The following TRIP4 variants were observed in gnomAD, a reference collection of about 807,000 sequenced individuals.
The protein encoded by TRIP4 is thyroid hormone receptor interactor 4.
A neutral mutation model predicts 81.8 loss-of-function variants in TRIP4; 54 were observed. The ratio of observed to expected loss-of-function variants is 0.66; its 90% CI spans 0.53 to 0.83. TRIP4 has a LOEUF of 0.83. TRIP4 is among the 40% of genes least tolerant of loss of function. The probability of loss-of-function intolerance (pLI) is 0.00; values close to 1 mark genes in which losing one functional copy is unlikely to be tolerated. For synonymous variants in TRIP4, 270 were observed against 242.8 expected, an observed-to-expected ratio of 1.11 and a Z score of -1.04; for missense variants, 662 against 683.6, an observed-to-expected ratio of 0.97 and a Z score of 0.35.
At chr15:64,394,260 G>T in intron 2 of TRIP4, 145 bp downstream of exon 2, 1 of 677,862 alleles carries the variant, frequency 1.5e-6, no homozygotes, top group Non-Finnish European at 2.3e-6. Flanking sequence ...TTTTAGTTCG[G>T]TTCTACTCAA....
chr15:64,392,745 G>A (rs1300480081), intron 1 of TRIP4, among the ~76,000 whole-genome samples: 1 of 152,054 alleles, frequency 6.6e-6, no homozygotes, highest in Non-Finnish European at 1.5e-5. Flanking sequence ...CTCCCAAGTA[G>A]CTAGGACTAC....
At chr15:64,389,389 TG>T (rs1806491057) in intron 1 of TRIP4, among the ~76,000 whole-genome samples, 1 of 152,104 alleles carries the variant, frequency 6.6e-6, no homozygotes, top group South Asian at 2.1e-4. Flanking sequence ...CCCAGCACTT[TG>T]GGAGGTAGAG....
chr15:64,423,352 A>G (rs1304338650), intron 9 of TRIP4, among the ~76,000 whole-genome samples: 1 of 150,330 alleles, frequency 6.7e-6, no homozygotes, highest in Admixed American at 6.8e-5. Flanking sequence ...AGTCCCAGCT[A>G]CTCAAGAGGC....
At position 64,397,617 on chromosome 15, in the gene TRIP4, C is replaced by T. The variant is rs1263396091; in HGVS notation, c.417C>T (p.Asn139=). ...TPFDLAKAQE[N]SNSVKKKTKF... ...TCTTTGTACGATAGGCACAAGAGAA[C>T]AGCAACTCCGTAAAGAAGAAGACAA... The change falls in exon 4 of 13, where the codon AAC becomes AAT. Residue 139 remains asparagine, a synonymous_variant. Transcript: ENST00000261884. 1 of 1,612,332 alleles carries T rather than the reference C, an allele frequency of 6.2e-7. No individual in the cohort carries two copies. The highest frequency in any genetic ancestry group is 1.7e-5 in the Admixed American group (1 of 59,980).
intron 11 of TRIP4, among the ~76,000 whole-genome samples, chr15:64,428,538 G>T (rs1275118708): frequency 6.6e-6 from 1 of 152,094 alleles, no homozygotes; most frequent in Non-Finnish European, 1.5e-5. Context: ...AAGCCACTAG[G>T]CTTCATCAGA....
At chr15:64,409,520 T>G (rs1052350635) in intron 6 of TRIP4, 93 bp from the exon 7 acceptor site, 2 of 1,201,016 alleles carry the variant, frequency 1.7e-6, no homozygotes, top group African/African-American at 1.5e-5. Flanking sequence ...TGGAACATAT[T>G]TGAGATATTA....
Position 64,418,727 on chromosome 15 carries a change from AG to A in TRIP4, c.1358+1del, listed in dbSNP as rs1891943543. On this transcript the variant is annotated frameshift_variant and splice_region_variant, in exon 9 of 13. Coordinates refer to ENST00000261884, the MANE Select transcript of TRIP4 (RefSeq NM_016213.5). LOFTEE classifies it high-confidence loss of function. ...WASLLVRGIK[R>X]VEGRSWYTPH... ...TTCTCTGCTTGTCAGAGGGATTAAA[AG>A]GTAAGAATAAAAATGAATCTGGGCA... 6.2e-7 allele frequency: 1 copy of A among 1,605,436 alleles called. No individual in the cohort carries two copies. Among genetic ancestry groups the A allele is most frequent in the African/African-American group, 1.3e-5 (1 of 74,606 alleles).
chr15:64,442,479 C>G (rs1278839517), intron 11 of TRIP4, among the ~76,000 whole-genome samples: 1 of 151,882 alleles, frequency 6.6e-6, no homozygotes, highest in Non-Finnish European at 1.5e-5. Flanking sequence ...GAGATGGGGT[C>G]TTGCTATGTT....
intron 10 of TRIP4, 89 bp downstream of exon 10, chr15:64,424,244 TTTTC>T (rs1183850580): frequency 1.9e-6 from 3 of 1,561,684 alleles, no homozygotes; most frequent in Admixed American, 3.8e-5. Context: ...TTCTTTGGCT[TTTTC>T]TTTGTTAAAA....
chr15:64,394,969 T>A (rs1441349508), intron 2 of TRIP4, among the ~76,000 whole-genome samples: 1 of 152,080 alleles, frequency 6.6e-6, no homozygotes, highest in Non-Finnish European at 1.5e-5. Context: ...CTCAGCCTCC[T>A]GAGTAGCTGG....
At position 64,424,171 on chromosome 15, in the gene TRIP4, T is replaced by A; in HGVS notation, c.1483+16T>A. The A allele has an allele frequency of 6.2e-7, 1 of 1,613,884 alleles. No individual in the cohort carries two copies. ...CGTGGGAAAGGTAACAGCCGCATAT[T>A]CTCCTTTCAATTTTACTTTATGGAG... is the stretch of plus-strand genomic sequence containing the variant. On this transcript the variant is annotated intron_variant, in intron 10 of 12. Transcript: ENST00000261884.
At chr15:64,416,657 T>A (rs1253793917) in intron 8 of TRIP4, among the ~76,000 whole-genome samples, 1 of 152,214 alleles carries the variant, frequency 6.6e-6, no homozygotes, top group Non-Finnish European at 1.5e-5. Flanking sequence ...CTATTTAGTA[T>A]GTAGTCAATT....
At chr15:64,452,264 G>A (rs565410530) in intron 12 of TRIP4, among the ~76,000 whole-genome samples, 6 of 152,304 alleles carry the variant, frequency 3.9e-5, no homozygotes, top group Non-Finnish European at 7.4e-5. Context: ...TTGCAGGCAT[G>A]AGCCACCATG....
intron 4 of TRIP4, among the ~76,000 whole-genome samples, 199 bp downstream of exon 4, chr15:64,398,017 C>G (rs532758762): frequency 1.2e-4 from 18 of 152,180 alleles, no homozygotes; most frequent in Non-Finnish European, 2.2e-4. Context: ...TCTCCTGCCT[C>G]AGCCTCCCGA....
chr15:64,422,854 G>A (rs2140299886), intron 9 of TRIP4, among the ~76,000 whole-genome samples: 1 of 152,308 alleles, frequency 6.6e-6, no homozygotes, highest in Admixed American at 6.5e-5. Flanking sequence ...TTGGCCTAGA[G>A]GGAAGATATA....
intron 5 of TRIP4, among the ~76,000 whole-genome samples, chr15:64,401,135 CTTT>C (rs770677961): frequency 2.2e-5 from 3 of 135,382 alleles, no homozygotes; most frequent in Non-Finnish European, 4.9e-5. Flanking sequence ...CTAATATTTA[CTTT>C]TTTTTTTTTT....
chr15:64,404,526 G>A (rs1418210704), intron 5 of TRIP4, among the ~76,000 whole-genome samples: 1 of 151,924 alleles, frequency 6.6e-6, no homozygotes, highest in Admixed American at 6.6e-5. Flanking sequence ...TTGCCATGTT[G>A]GCCAGGCCTC....
intron 11 of TRIP4, among the ~76,000 whole-genome samples, chr15:64,427,810 T>C (rs898208818): frequency 2.0e-5 from 3 of 152,218 alleles, no homozygotes; most frequent in African/African-American, 7.2e-5. Context: ...TTTTGAGTTC[T>C]AGCGTTTTGT....
At chr15:64,421,168 G>A (rs1336639313) in intron 9 of TRIP4, among the ~76,000 whole-genome samples, 2 of 150,850 alleles carry the variant, frequency 1.3e-5, no homozygotes, top group Admixed American at 1.3e-4. Context: ...TGTAATCCCA[G>A]CTACTCAAGA....
Sources: gnomAD v4.1 joint callset for allele counts (sites outside exome capture counted in the v4.1 genomes callset) on GRCh38, gnomAD v4.1.1 for gene constraint, MANE v1.5 for transcripts, NCBI Gene and HGNC (gene_info 2026-07-23, HGNC 2026-07-21) for gene names.